Variants in PEAK1 observed in about 807,000 individuals in gnomAD.
PEAK1 encodes inactive tyrosine-protein kinase PEAK1.
Under a neutral mutation model 124.7 loss-of-function variants are expected in PEAK1, and 54 were observed. The observed-to-expected ratio is 0.43, with a 90% CI of 0.35 to 0.54. The LOEUF (loss-of-function observed/expected upper bound fraction) is 0.54, where lower values mean the gene tolerates loss of function less well. Among genes scored for constraint, PEAK1 ranks in the 20% least tolerant of loss-of-function variants. The pLI, the probability that PEAK1 is intolerant of heterozygous loss-of-function variation, is 0.01. For synonymous variants in PEAK1, 719 were observed against 760.0 expected, an observed-to-expected ratio of 0.95 and a Z score of 0.89; for missense variants, 2,046 against 2,134.5, an observed-to-expected ratio of 0.96 and a Z score of 0.82.
intron 3 of PEAK1, 32 bp downstream of exon 3, chr15:77,286,391 C>T (rs2062933300): frequency 1.3e-5 from 14 of 1,075,638 alleles, no homozygotes; most frequent in Non-Finnish European, 1.7e-5. Context: ...CCAGAATAAA[C>T]ATGTTACATT....
intron 2 of PEAK1, chr15:77,353,102 G>T: frequency 2.1e-6 from 1 of 465,820 alleles, no homozygotes; most frequent in Non-Finnish European, 2.8e-6. Flanking sequence ...CACATGCACT[G>T]CTTTTCAATA....
intron 6 of PEAK1, among the ~76,000 whole-genome samples, chr15:77,251,795 C>T (rs2060896116): frequency 1.3e-5 from 2 of 152,156 alleles, no homozygotes; most frequent in South Asian, 4.1e-4. Flanking sequence ...CGCCTCTTTC[C>T]ATGGTAATGA....
Position 77,404,791 on chromosome 15 carries a change from A to C in PEAK1, c.-666+15215T>G, listed in dbSNP as rs1213210609. ...AAAGAGCAGGTTATCAGATTATTAA[A>C]GGTACTGCTGCTTCAATATGTATTC... On this transcript the variant is annotated intron_variant, in intron 1 of 9. Transcript: ENST00000682557. The C allele has an allele frequency of 3.1e-6, 3 of 971,674 alleles. No individual in the cohort carries two copies. The Admixed American group carries it at 1.8e-4, about 60-fold the overall frequency. 60.2% of individuals were successfully genotyped at this position (971,674 alleles called of 1,614,324 possible).
chr15:77,327,802 T>C (rs2065668349), intron 2 of PEAK1, among the ~76,000 whole-genome samples: 2 of 151,984 alleles, frequency 1.3e-5, no homozygotes, highest in African/African-American at 4.8e-5. Flanking sequence ...TGCAACGTTA[T>C]TGCAATATCC....
intron 6 of PEAK1, among the ~76,000 whole-genome samples, chr15:77,197,534 A>C (rs976348004): frequency 2.0e-5 from 3 of 152,124 alleles, no homozygotes; most frequent in Admixed American, 6.6e-5. Flanking sequence ...TGTTATTTTT[A>C]AATTTTTGGT....
chr15:77,127,525 A>G (rs1054878018), intron 9 of PEAK1, among the ~76,000 whole-genome samples: 1 of 152,220 alleles, frequency 6.6e-6, no homozygotes, highest in Non-Finnish European at 1.5e-5. Context: ...TTCTGATAGT[A>G]ACAAGGAACA....
chr15:77,161,794 C>T (rs546819060), intron 7 of PEAK1, among the ~76,000 whole-genome samples: 3 of 151,804 alleles, frequency 2.0e-5, no homozygotes, highest in Non-Finnish European at 4.4e-5. Context: ...GGTGAAACCC[C>T]GTCTCTACTA....
chr15:77,414,709 T>C (rs2072734076), intron 1 of PEAK1, among the ~76,000 whole-genome samples: 1 of 152,134 alleles, frequency 6.6e-6, no homozygotes, highest in Admixed American at 6.5e-5. Context: ...AATTGTTGAG[T>C]TAGTGTTAGG....
At chr15:77,214,624 CAAA>C (rs565610333) in intron 6 of PEAK1, among the ~76,000 whole-genome samples, 4 of 108,900 alleles carry the variant, frequency 3.7e-5, no homozygotes, top group African/African-American at 6.8e-5. Flanking sequence ...ACTCTGTCTC[CAAA>C]AAAAAAAAAA....
intron 1 of PEAK1, among the ~76,000 whole-genome samples, chr15:77,414,684 T>A (rs2072732398): frequency 6.6e-6 from 1 of 152,200 alleles, no homozygotes; most frequent in Non-Finnish European, 1.5e-5. Flanking sequence ...GGAAATAATA[T>A]AAGGTAAATA....
chr15:77,333,611 G>C (rs2066021597), intron 2 of PEAK1: 1 of 957,222 alleles, frequency 1.0e-6, no homozygotes, highest in African/African-American at 1.8e-5. Flanking sequence ...TGAAATCTTA[G>C]CTCATGGCAT....
intron 6 of PEAK1, among the ~76,000 whole-genome samples, chr15:77,210,897 A>G (rs565846202): frequency 6.6e-6 from 1 of 152,330 alleles, no homozygotes; most frequent in East Asian, 1.9e-4. Context: ...CTCAAAAAAC[A>G]AAAACAAAAT....
At chr15:77,120,847 G>A (rs995944939) in intron 9 of PEAK1, among the ~76,000 whole-genome samples, 3 of 152,056 alleles carry the variant, frequency 2.0e-5, no homozygotes, top group Non-Finnish European at 2.9e-5. Flanking sequence ...ATCTGCAGCC[G>A]GCCACCCACT....
chr15:77,133,540 C>T lies in PEAK1; in HGVS notation c.3542G>A (p.Cys1181Tyr). Residue 1181 changes from cysteine (C) to tyrosine (Y), a missense_variant, in exon 9 of 10, where the codon TGT (cysteine) becomes TAT (tyrosine). Physicochemically the swap from Cys to Tyr is radical, Grantham distance 194 (BLOSUM62 -2). Transcript: ENST00000682557. This position sits in a 1 kb window ranked among gnomAD's most constrained non-coding sequence, Gnocchi z 4.2. ...DLQKSMESSL[C>Y]VMANPTYDID... Reference sequence around the variant, plus strand: ...ATCATAGGTGGGATTAGCCATGACACAAAGACTACTTTCCATGGATTTTTG... The same window carrying T: ...ATCATAGGTGGGATTAGCCATGACATAAAGACTACTTTCCATGGATTTTTG... 2 of 1,614,188 alleles carry T rather than the reference C, an allele frequency of 1.2e-6. No homozygotes were observed. The highest frequency in any genetic ancestry group is 1.7e-6 in the Non-Finnish European group (2 of 1,180,026).
chr15:77,314,109 A>G (rs1382718727), intron 2 of PEAK1, among the ~76,000 whole-genome samples: 8 of 152,150 alleles, frequency 5.3e-5, no homozygotes, highest in Admixed American at 1.3e-4. Flanking sequence ...TTTTGTTTAA[A>G]GCATTACAGT....
chr15:77,222,196 A>T (rs1023733086), intron 6 of PEAK1, among the ~76,000 whole-genome samples: 3 of 152,122 alleles, frequency 2.0e-5, no homozygotes, highest in African/African-American at 7.2e-5. Context: ...AACATAAAAA[A>T]ATGAAAACAT....
At chr15:77,244,863 T>C (rs909804712) in intron 6 of PEAK1, among the ~76,000 whole-genome samples, 3 of 152,172 alleles carry the variant, frequency 2.0e-5, no homozygotes, top group African/African-American at 7.2e-5. Flanking sequence ...TGAGCCACCA[T>C]ACTTGGCCTC....
intron 2 of PEAK1, chr15:77,345,829 G>C: frequency 1.4e-6 from 1 of 714,964 alleles, no homozygotes; most frequent in African/African-American, 1.9e-5. Flanking sequence ...ATTGTATACA[G>C]GTATTAAAGT....
intron 5 of PEAK1, among the ~76,000 whole-genome samples, chr15:77,269,445 G>A (rs1001240237): frequency 1.3e-5 from 2 of 152,018 alleles, no homozygotes; most frequent in African/African-American, 4.8e-5. Context: ...AATGATAAAA[G>A]GTCTAATACA....
Sources: gnomAD v4.1 joint callset for allele counts (sites outside exome capture counted in the v4.1 genomes callset) on GRCh38, gnomAD v4.1.1 for gene constraint, Gnocchi (gnomAD v3.1) non-coding constraint, MANE v1.5 for transcripts, NCBI Gene and HGNC (gene_info 2026-07-23, HGNC 2026-07-21) for gene names.